The following ZFHX3 variants were observed in gnomAD, a reference collection of about 807,000 sequenced individuals.
ZFHX3 encodes zinc finger homeobox 3, also known as zinc finger homeobox protein 3.
A neutral mutation model predicts 279.1 loss-of-function variants in ZFHX3; 42 were observed. The observed-to-expected ratio is 0.15, with a 90% confidence interval of 0.12 to 0.19. The LOEUF is 0.19. Among genes scored for constraint, ZFHX3 ranks in the 10% least tolerant of loss-of-function variants. ZFHX3 has a pLI of 1.00. For missense variants in ZFHX3, 4,981 were observed against 4,754.0 expected (o/e 1.05, Z -1.40); for synonymous variants, 2,293 against 1,957.8 (o/e 1.17, Z -4.52).
intron 3 of ZFHX3, among the ~76,000 whole-genome samples, chr16:72,948,132 C>T (rs957732231): frequency 6.6e-6 from 1 of 152,176 alleles, no homozygotes; most frequent in Non-Finnish European, 1.5e-5. Context: ...GAGCTCCCCG[C>T]CCCCTGTGGC....
intron 1 of ZFHX3, among the ~76,000 whole-genome samples, chr16:73,887,454 C>T: frequency 6.6e-6 from 1 of 152,116 alleles, no homozygotes; most frequent in East Asian, 1.9e-4. Flanking sequence ...AAGATGAAAG[C>T]TAACTGGATG....
intron 4 of ZFHX3, among the ~76,000 whole-genome samples, chr16:72,875,339 G>C (rs1471359680): frequency 6.6e-6 from 1 of 152,244 alleles, no homozygotes; most frequent in East Asian, 1.9e-4. Flanking sequence ...GACCTGGCTT[G>C]GTTGTGAGCC....
chr16:73,745,326 A>G (rs1327016172), intron 1 of ZFHX3, among the ~76,000 whole-genome samples: 1 of 152,180 alleles, frequency 6.6e-6, no homozygotes, highest in African/African-American at 2.4e-5. Flanking sequence ...ATTTCCACTG[A>G]ATTCCATCTC....
chr16:73,027,159 T>G (rs1464515276), intron 1 of ZFHX3, among the ~76,000 whole-genome samples: 5 of 152,220 alleles, frequency 3.3e-5, no homozygotes, highest in African/African-American at 1.2e-4. Context: ...CACCAGCCAT[T>G]TACAAATGTA....
intron 7 of ZFHX3, among the ~76,000 whole-genome samples, chr16:73,095,326 C>T (rs1966147222): frequency 6.6e-6 from 1 of 152,176 alleles, no homozygotes; most frequent in Non-Finnish European, 1.5e-5. Context: ...AAGAATCCCA[C>T]ACTGCCAGCC....
chr16:73,426,206 A>T (rs2017807602), intron 3 of ZFHX3, among the ~76,000 whole-genome samples: 1 of 152,212 alleles, frequency 6.6e-6, no homozygotes, highest in South Asian at 2.1e-4. Flanking sequence ...GGTGGGGCCA[A>T]TTAATCACTG....
chr16:73,535,816 G>A (rs938666169), intron 2 of ZFHX3, among the ~76,000 whole-genome samples: 2 of 148,952 alleles, frequency 1.3e-5, no homozygotes, highest in Admixed American at 6.7e-5. Flanking sequence ...TCCACCTCCT[G>A]GGCTCAAGCG....
intron 1 of ZFHX3, among the ~76,000 whole-genome samples, chr16:73,806,414 G>A (rs1960277383): frequency 6.6e-6 from 1 of 152,208 alleles, no homozygotes; most frequent in South Asian, 2.1e-4. Context: ...GATGGAGCCG[G>A]AGTGAGATGT....
intron 4 of ZFHX3, among the ~76,000 whole-genome samples, chr16:73,309,432 G>T (rs1260990016): frequency 6.6e-6 from 1 of 152,132 alleles, no homozygotes; most frequent in African/African-American, 2.4e-5. Context: ...TGGCTGTGTT[G>T]TATCCCATGC....
intron 5 of ZFHX3, among the ~76,000 whole-genome samples, chr16:73,181,861 T>C (rs1042550271): frequency 3.4e-4 from 52 of 152,196 alleles, no homozygotes; most frequent in Non-Finnish European, 5.3e-4. Context: ...GCTGATGTTC[T>C]ACCTGCCAAT....
chr16:73,483,725 G>C (rs1017327042), intron 2 of ZFHX3, among the ~76,000 whole-genome samples: 4 of 152,070 alleles, frequency 2.6e-5, no homozygotes, highest in Non-Finnish European at 4.4e-5. Context: ...ACAAAGGCTC[G>C]ACACAGTTTC....
intron 3 of ZFHX3, among the ~76,000 whole-genome samples, chr16:72,943,252 G>A (rs1201405653): frequency 2.0e-5 from 3 of 152,014 alleles, no homozygotes; most frequent in Non-Finnish European, 4.4e-5. Flanking sequence ...TCACAAATAG[G>A]GCCAGGCGTG....
chr16:73,286,210 C>T (rs960895298), intron 4 of ZFHX3, among the ~76,000 whole-genome samples: 14 of 152,034 alleles, frequency 9.2e-5, no homozygotes, highest in South Asian at 2.1e-4. Context: ...TCCTCCTGCA[C>T]GTCACACCCA....
intron 2 of ZFHX3, among the ~76,000 whole-genome samples, chr16:73,511,741 A>G (rs888062561): frequency 3.3e-5 from 5 of 152,176 alleles, no homozygotes; most frequent in African/African-American, 1.2e-4. Context: ...GAAGGGTGGC[A>G]AAGGAGATGA....
intron 3 of ZFHX3, among the ~76,000 whole-genome samples, chr16:72,922,829 T>G (rs2039616112): frequency 6.6e-6 from 1 of 152,114 alleles, no homozygotes; most frequent in African/African-American, 2.4e-5. Flanking sequence ...ACTTTACAGC[T>G]GACGTTACAG....
chr16:73,160,772 C>A (rs76450777), intron 5 of ZFHX3, among the ~76,000 whole-genome samples: 2 of 127,972 alleles, frequency 1.6e-5, no homozygotes, highest in Non-Finnish European at 3.5e-5. Flanking sequence ...CTTTTCTCTT[C>A]TTTTTTTTTT....
chr16:73,864,283 T>C (rs1205990744), intron 1 of ZFHX3, among the ~76,000 whole-genome samples: 1 of 152,212 alleles, frequency 6.6e-6, no homozygotes, highest in Non-Finnish European at 1.5e-5. Context: ...AACGTTAATA[T>C]ACTTGCCCTC....
rs1413418687 is a variant in ZFHX3 at position 72,797,826 on chromosome 16, A to G, written c.4856T>C (p.Leu1619Ser). The stretch of plus-strand genomic sequence containing the variant: ...GGCTGCCCGGGCCTTGGTTTGATGT[A>G]ACACAGACCTCATATGGATCTCCAG... ...STLEIHMRSV[L>S]HQTKARAAKL... is the part of the protein sequence containing the mutation. Residue 1619 changes from leucine (L) to serine (S), a missense_variant, in exon 9 of 10, where the codon TTA becomes TCA. By Grantham distance (145) the Leu-to-Ser change is moderately radical (BLOSUM62 -2). Coordinates refer to ENST00000268489, the MANE Select transcript of ZFHX3 (RefSeq NM_006885.4). The G allele has an allele frequency of 1.9e-6, 3 of 1,613,994 alleles. No homozygotes were observed. The highest frequency in any genetic ancestry group is 2.5e-6 in the Non-Finnish European group (3 of 1,180,036).
At chr16:73,428,039 A>G (rs1407283386) in intron 3 of ZFHX3, among the ~76,000 whole-genome samples, 1 of 152,160 alleles carries the variant, frequency 6.6e-6, no homozygotes, top group Non-Finnish European at 1.5e-5. Context: ...ACATGCATGC[A>G]CACACGTAGA....
Sources: gnomAD v4.1 joint callset for allele counts (sites outside exome capture counted in the v4.1 genomes callset) on GRCh38, gnomAD v4.1.1 for gene constraint, MANE v1.5 for transcripts, NCBI Gene and HGNC (gene_info 2026-07-23, HGNC 2026-07-21) for gene names.